Variants in ARSB observed in about 807,000 individuals in gnomAD.
ARSB encodes the protein N-acetylgalactosamine-4-sulfatase.
A neutral mutation model predicts 50.9 loss-of-function variants in ARSB; 41 were observed. The observed-to-expected ratio is 0.81, with a 90% confidence interval of 0.63 to 1.04. The LOEUF is 1.04. Ranked by LOEUF, ARSB falls within the 50% of genes least tolerant of loss-of-function variation. The pLI, the probability that ARSB is intolerant of heterozygous loss-of-function variation, is 0.00. For synonymous variants in ARSB, 269 were observed against 284.8 expected, an observed-to-expected ratio of 0.94 and a Z score of 0.56; for missense variants, 672 against 693.3, an observed-to-expected ratio of 0.97 and a Z score of 0.35.
intron 5 of ARSB, among the ~76,000 whole-genome samples, chr5:78,862,710 T>C (rs564570996): frequency 1.6e-4 from 25 of 152,270 alleles, no homozygotes; most frequent in African/African-American, 5.8e-4. Context: ...ACTTCACGTC[T>C]AAAACACCAA....
Position 78,816,038 on chromosome 5 carries a change from C to A in ARSB, c.1213+23318G>T, listed in dbSNP as rs780950955. On this transcript the variant is annotated intron_variant, in intron 6 of 7. Coordinates refer to ENST00000264914, the MANE Select transcript of ARSB (RefSeq NM_000046.5). The stretch of plus-strand genomic sequence containing the variant: ...CCTTTCAGAACCTTGGGTCTGAAGT[C>A]ATTTCTTATGCCCTGGGTTATCATC... 5 of 1,613,408 alleles carry A rather than the reference C, an allele frequency of 3.1e-6. No individual in the cohort carries two copies. The South Asian group carries it at 5.5e-5, about 18-fold the overall frequency.
intron 4 of ARSB, among the ~76,000 whole-genome samples, chr5:78,953,129 A>G (rs1283239754): frequency 6.6e-6 from 1 of 152,256 alleles, no homozygotes; most frequent in East Asian, 1.9e-4. Flanking sequence ...TTTTCACAGC[A>G]GGACATACTT....
At chr5:78,859,035 A>G (rs886239741) in intron 5 of ARSB, among the ~76,000 whole-genome samples, 8 of 152,240 alleles carry the variant, frequency 5.3e-5, no homozygotes, top group Admixed American at 5.2e-4. Flanking sequence ...CTAATCAAAA[A>G]GTACCGATTT....
chr5:78,830,901 G>A (rs930789667), intron 6 of ARSB, among the ~76,000 whole-genome samples: 4 of 152,142 alleles, frequency 2.6e-5, no homozygotes, highest in South Asian at 2.1e-4. Flanking sequence ...AGGCAGGCAC[G>A]GAAGCAGCAA....
intron 5 of ARSB, among the ~76,000 whole-genome samples, chr5:78,878,784 C>T (rs1346814454): frequency 3.9e-5 from 6 of 152,070 alleles, no homozygotes; most frequent in African/African-American, 1.2e-4. Flanking sequence ...TCACCACTGT[C>T]ATGTTATGAC....
intron 5 of ARSB, among the ~76,000 whole-genome samples, chr5:78,865,579 T>A (rs888866445): frequency 6.6e-6 from 1 of 152,240 alleles, no homozygotes; most frequent in South Asian, 2.1e-4. Context: ...TGATTACTTA[T>A]GCAAATTTCC....
intron 4 of ARSB, among the ~76,000 whole-genome samples, chr5:78,901,738 A>G (rs1380022699): frequency 6.6e-6 from 1 of 152,252 alleles, no homozygotes; most frequent in African/African-American, 2.4e-5. Flanking sequence ...TCTAAAGAAG[A>G]TACACAAAAA....
chr5:78,798,141 G>A (rs936362173), intron 6 of ARSB, among the ~76,000 whole-genome samples: 1 of 152,104 alleles, frequency 6.6e-6, no homozygotes, highest in African/African-American at 2.4e-5. Flanking sequence ...ATGAACTTGC[G>A]GATCTGATGA....
intron 5 of ARSB, among the ~76,000 whole-genome samples, chr5:78,865,405 C>T (rs1746674546): frequency 6.6e-6 from 1 of 152,120 alleles, no homozygotes; most frequent in Non-Finnish European, 1.5e-5. Context: ...ACACAGGGCA[C>T]CAAATCCCTA....
chr5:78,827,267 G>A (rs577275703), intron 6 of ARSB, among the ~76,000 whole-genome samples: 1 of 152,190 alleles, frequency 6.6e-6, no homozygotes, highest in East Asian at 1.9e-4. Flanking sequence ...GGAGTGCAGT[G>A]GTGCACTCTC....
intron 4 of ARSB, among the ~76,000 whole-genome samples, chr5:78,937,859 A>T (rs910236396): frequency 1.3e-5 from 2 of 152,130 alleles, no homozygotes; most frequent in African/African-American, 4.8e-5. Context: ...AGGTGCCAAG[A>T]TTATCACCAG....
intron 6 of ARSB, among the ~76,000 whole-genome samples, chr5:78,812,592 A>AACACACACAC (rs66597603): frequency 0.061 from 8,756 of 144,220 alleles, 317 homozygotes; most frequent in African/African-American, 0.076. Context: ...ATTCTGTTCA[A>AACACACACAC]ACACACACAC....
intron 1 of ARSB, 68 bp downstream of exon 1, chr5:78,984,869 G>C (rs1260129302): frequency 8.2e-7 from 1 of 1,217,214 alleles, no homozygotes; most frequent in South Asian, 3.3e-5. Flanking sequence ...TCAAGGGCCG[G>C]GTAGGAGCGG....
At chr5:78,909,785 T>C (rs1749223096) in intron 4 of ARSB, among the ~76,000 whole-genome samples, 1 of 152,094 alleles carries the variant, frequency 6.6e-6, no homozygotes, top group Non-Finnish European at 1.5e-5. Flanking sequence ...CCGAGACCCG[T>C]GAAGGGTCTG....
At chr5:78,867,883 A>G (rs1360437565) in intron 5 of ARSB, among the ~76,000 whole-genome samples, 7 of 140,642 alleles carry the variant, frequency 5.0e-5, no homozygotes, top group Non-Finnish European at 9.2e-5. Flanking sequence ...GAGGACATTC[A>G]AACCAAAGGC....
At position 78,849,249 on chromosome 5, in the gene ARSB, GT is replaced by G. The variant is rs1581037107; in HGVS notation, c.1143-9824del. ...TCTTGAATTAATTTTTGTATAAGGT[GT>G]AAGGAAGGGATCCAGTTTCAGCTTT... On this transcript the variant is annotated intron_variant, in intron 5 of 7. Coordinates refer to ENST00000264914, the MANE Select transcript of ARSB (RefSeq NM_000046.5). 2.0e-5 allele frequency among the ~76,000 whole-genome samples: 3 copies of G among 152,210 alleles called. No individual in the cohort carries two copies. The South Asian group carries it at 6.2e-4, about 32-fold the overall frequency.
intron 4 of ARSB, among the ~76,000 whole-genome samples, chr5:78,921,834 G>T (rs1418129547): frequency 6.6e-6 from 1 of 152,174 alleles, no homozygotes; most frequent in Non-Finnish European, 1.5e-5. Context: ...AGACAGTCAC[G>T]AATTGCTGCC....
At chr5:78,847,333 C>T (rs919772268) in intron 5 of ARSB, among the ~76,000 whole-genome samples, 1 of 152,026 alleles carries the variant, frequency 6.6e-6, no homozygotes, top group Non-Finnish European at 1.5e-5. Flanking sequence ...CCCTCTGCTG[C>T]CCAGGCTGGT....
At chr5:78,924,040 T>C (rs1480712580) in intron 4 of ARSB, among the ~76,000 whole-genome samples, 1 of 152,068 alleles carries the variant, frequency 6.6e-6, no homozygotes, top group Non-Finnish European at 1.5e-5. Flanking sequence ...AACCTAAACA[T>C]GGATATAATA....
Sources: gnomAD v4.1 joint callset for allele counts (sites outside exome capture counted in the v4.1 genomes callset) on GRCh38, gnomAD v4.1.1 for gene constraint, MANE v1.5 for transcripts, NCBI Gene and HGNC (gene_info 2026-07-23, HGNC 2026-07-21) for gene names.